Variants in TSHZ2 observed in about 807,000 individuals in gnomAD.
TSHZ2 encodes teashirt zinc finger homeobox 2, also known as teashirt homolog 2.
Under a neutral mutation model 74.4 loss-of-function variants are expected in TSHZ2, and 21 were observed. The observed-to-expected ratio is 0.28, with a 90% confidence interval of 0.20 to 0.41. The LOEUF (loss-of-function observed/expected upper bound fraction) is 0.41. TSHZ2 is among the 10% of genes least tolerant of loss of function. The probability of loss-of-function intolerance (pLI) is 1.00; values close to 1 mark genes in which losing one functional copy is unlikely to be tolerated. For synonymous variants in TSHZ2, 540 were observed against 515.3 expected, an observed-to-expected ratio of 1.05 and a Z score of -0.65; for missense variants, 1,244 against 1,293.5, an observed-to-expected ratio of 0.96 and a Z score of 0.59.
chr20:53,037,123 C>CT (rs1177104392), intron 1 of TSHZ2, among the ~76,000 whole-genome samples: 1 of 152,082 alleles, frequency 6.6e-6, no homozygotes, highest in Non-Finnish European at 1.5e-5. Context: ...AAATAAGATT[C>CT]TTTCCCTATG....
At chr20:53,253,301 G>GAAAAAAAAAAA (rs11290209) in intron 1 of TSHZ2, among the ~76,000 whole-genome samples, 198 bp from the exon 2 acceptor site, 1 of 97,562 alleles carries the variant, frequency 1.0e-5, no homozygotes. Context: ...CCTGCCAATT[G>GAAAAAAAAAAA]AAAAAAAAAA....
At chr20:52,977,814 A>T (rs371784491) in intron 1 of TSHZ2, among the ~76,000 whole-genome samples, 11 of 152,174 alleles carry the variant, frequency 7.2e-5, no homozygotes, top group Non-Finnish European at 1.2e-4. Context: ...TTTAGTGGAA[A>T]CTCTGTAAGG....
In TSHZ2 at chr20:53,232,007, C is replaced by T. The variant is rs545489695; in HGVS notation, c.41-21492C>T. 1.0e-3 allele frequency among the ~76,000 whole-genome samples: 159 copies of T among 152,302 alleles called. 1 individual carries two copies. The Middle Eastern group carries it at 0.02, about 20-fold the overall frequency. On this transcript the variant is annotated intron_variant, in intron 1 of 2. Coordinates refer to ENST00000371497, the MANE Select transcript of TSHZ2 (RefSeq NM_173485.6). ...TCAAGCCATCCTCCCACCTTAGCCT[C>T]CCAAACAGCTGAGACTACGGGCGCC...
intron 1 of TSHZ2, among the ~76,000 whole-genome samples, chr20:53,103,479 TA>T (rs1435573988): frequency 6.6e-6 from 1 of 152,192 alleles, no homozygotes; most frequent in Non-Finnish European, 1.5e-5. Context: ...ATTCCAAAAC[TA>T]GAAGAAATTG....
chr20:53,069,942 TTACAC>T (rs1985120034), intron 1 of TSHZ2, among the ~76,000 whole-genome samples: 2 of 152,158 alleles, frequency 1.3e-5, no homozygotes. Context: ...TCCAACATCT[TTACAC>T]TATCCATCTA....
chr20:53,119,404 A>G (rs1986750930), intron 1 of TSHZ2, among the ~76,000 whole-genome samples: 1 of 152,210 alleles, frequency 6.6e-6, no homozygotes, highest in South Asian at 2.1e-4. Context: ...ACTAAATGAG[A>G]CATTGTAAGA....
In TSHZ2 at chr20:53,452,641, A is replaced by C. The variant is rs555277625; in HGVS notation, c.*9-34503A>C. ...GGAACTAGAACAAATCAATCACTGT[A>C]TCTCTCTGAGCCCACTGAGCCCATT... is the stretch of plus-strand genomic sequence containing the variant. On this transcript the variant is annotated intron_variant, in intron 2 of 2. Coordinates refer to ENST00000371497, the MANE Select transcript of TSHZ2 (RefSeq NM_173485.6). 2.2e-4 allele frequency among the ~76,000 whole-genome samples: 34 copies of C among 151,418 alleles called. No homozygotes were observed. The South Asian group carries it at 7.1e-3, about 32-fold the overall frequency.
chr20:53,086,407 G>A (rs1306045717), intron 1 of TSHZ2, among the ~76,000 whole-genome samples: 1 of 152,000 alleles, frequency 6.6e-6, no homozygotes, highest in Non-Finnish European at 1.5e-5. Flanking sequence ...GGCTCTCTGT[G>A]GGTAGCCTAC....
At chr20:53,441,066 G>T (rs1984293639) in intron 2 of TSHZ2, among the ~76,000 whole-genome samples, 1 of 152,090 alleles carries the variant, frequency 6.6e-6, no homozygotes, top group Non-Finnish European at 1.5e-5. Context: ...CTCTGGATTG[G>T]GTGTTCCCCA....
chr20:52,981,265 C>T (rs1427144631), intron 1 of TSHZ2, among the ~76,000 whole-genome samples: 1 of 152,146 alleles, frequency 6.6e-6, no homozygotes, highest in Non-Finnish European at 1.5e-5. Context: ...AGAGATAAAC[C>T]TTACTCTCCG....
At chr20:53,072,107 C>A (rs1985193776) in intron 1 of TSHZ2, among the ~76,000 whole-genome samples, 1 of 152,154 alleles carries the variant, frequency 6.6e-6, no homozygotes, top group Admixed American at 6.5e-5. Flanking sequence ...TGGGGAACCC[C>A]GGTGGAATAT....
chr20:53,236,846 A>C (rs146519496), intron 1 of TSHZ2, among the ~76,000 whole-genome samples: 1 of 152,330 alleles, frequency 6.6e-6, no homozygotes, highest in African/African-American at 2.4e-5. Flanking sequence ...AAAGCCCCTT[A>C]TAAAACCATC....
chr20:53,096,320 A>G (rs921196330), intron 1 of TSHZ2, among the ~76,000 whole-genome samples: 3 of 151,910 alleles, frequency 2.0e-5, no homozygotes, highest in South Asian at 2.1e-4. Context: ...TTTTTGTATT[A>G]TTAGTAGAGA....
intron 1 of TSHZ2, among the ~76,000 whole-genome samples, chr20:53,144,663 A>G (rs1015382058): frequency 2.0e-5 from 3 of 152,140 alleles, no homozygotes; most frequent in African/African-American, 7.2e-5. Context: ...AACTTGTCTA[A>G]CAACCCATAA....
intron 2 of TSHZ2, among the ~76,000 whole-genome samples, chr20:53,381,154 G>A (rs747137480): frequency 1.8e-4 from 27 of 152,162 alleles, no homozygotes; most frequent in Non-Finnish European, 3.2e-4. Flanking sequence ...TATAAAATAT[G>A]TACAAAACAC....
chr20:53,395,502 A>C (rs1295425313), intron 2 of TSHZ2, among the ~76,000 whole-genome samples: 1 of 152,264 alleles, frequency 6.6e-6, no homozygotes, highest in Non-Finnish European at 1.5e-5. Flanking sequence ...AAATATCTTC[A>C]ATAAATAATG....
rs545765902 is a variant in TSHZ2 at position 53,112,831 on chromosome 20, G to A, written c.40+139498G>A. 5.9e-4 allele frequency among the ~76,000 whole-genome samples: 90 copies of A among 152,228 alleles called. No homozygotes were observed. In the South Asian group the frequency reaches 7.1e-3, roughly 12 times the overall value. On this transcript the variant is annotated intron_variant, in intron 1 of 2. Transcript: ENST00000371497. Reference sequence around the variant, plus strand: ...TGCCCCTACACCCAGCTGGAAATACGTTTTTGATGTAACATAAATCCCATC... The same window carrying A: ...TGCCCCTACACCCAGCTGGAAATACATTTTTGATGTAACATAAATCCCATC...
chr20:53,404,261 C>T (rs899475977), intron 2 of TSHZ2, among the ~76,000 whole-genome samples: 18 of 152,064 alleles, frequency 1.2e-4, no homozygotes, highest in Admixed American at 3.3e-4. Flanking sequence ...ATGGAGTTGA[C>T]CTTATATTCA....
intron 1 of TSHZ2, among the ~76,000 whole-genome samples, chr20:53,145,973 C>T (rs1987530385): frequency 6.6e-6 from 1 of 152,086 alleles, no homozygotes; most frequent in South Asian, 2.1e-4. Context: ...CATGTTGGCT[C>T]ACAATACTAA....
Sources: gnomAD v4.1 joint callset for allele counts (sites outside exome capture counted in the v4.1 genomes callset) on GRCh38, gnomAD v4.1.1 for gene constraint, MANE v1.5 for transcripts, NCBI Gene and HGNC (gene_info 2026-07-23, HGNC 2026-07-21) for gene names.